Variants in KCNMB4 observed in about 807,000 individuals in gnomAD.
KCNMB4 encodes calcium-activated potassium channel subunit beta-4.
KCNMB4 carries 3 observed loss-of-function variants against 20.7 expected under a neutral mutation model. That is an observed-to-expected ratio of 0.14 (90% confidence interval 0.07 to 0.37). The LOEUF is 0.37. Among genes scored for constraint, KCNMB4 ranks in the 10% least tolerant of loss-of-function variants. The probability of loss-of-function intolerance (pLI) is 1.00; values close to 1 mark genes in which losing one functional copy is unlikely to be tolerated. For missense variants in KCNMB4, 168 were observed against 265.9 expected (o/e 0.63, Z 2.56); for synonymous variants, 110 against 113.4 (o/e 0.97, Z 0.19).
rs1363572413 is a variant in KCNMB4, at chr12:70,366,639, T to TGGC, written c.-86_-84dup. On this transcript the variant is annotated 5_prime_UTR_variant, in exon 1 of 3. Coordinates refer to ENST00000258111, the MANE Select transcript of KCNMB4 (RefSeq NM_014505.6). ...CCCTGCTGTCGCGCGGCGGCGGCGG[T>TGGC]GGCGGCGGCGGCTCCTCCCGCCCGA... The TGGC allele has an allele frequency of 3.3e-6, 3 of 902,298 alleles. No homozygotes were observed. The highest frequency in any genetic ancestry group is 4.2e-6 in the Non-Finnish European group (3 of 712,278). The allele number at this position is 902,298 out of a possible 1,614,324, so 55.9% of individuals were successfully genotyped here.
At chr12:70,427,729 C>T (rs766025834) in intron 2 of KCNMB4, among the ~76,000 whole-genome samples, 3 of 152,096 alleles carry the variant, frequency 2.0e-5, no homozygotes, top group Non-Finnish European at 2.9e-5. Flanking sequence ...TACTCACATT[C>T]TTTTTTGGTA....
intron 1 of KCNMB4, among the ~76,000 whole-genome samples, chr12:70,385,211 A>G (rs1452578671): frequency 6.6e-6 from 1 of 152,210 alleles, no homozygotes; most frequent in Non-Finnish European, 1.5e-5. Flanking sequence ...CTGCCATGTT[A>G]CAGGCCCTAT....
At chr12:70,391,369 C>G (rs1467270916) in intron 1 of KCNMB4, among the ~76,000 whole-genome samples, 1 of 151,950 alleles carries the variant, frequency 6.6e-6, no homozygotes, top group East Asian at 1.9e-4. Flanking sequence ...GTGGCACAAT[C>G]ATAGCTCACT....
At chr12:70,419,223 A>T (rs1004749609) in intron 2 of KCNMB4, among the ~76,000 whole-genome samples, 7 of 152,328 alleles carry the variant, frequency 4.6e-5, no homozygotes, top group African/African-American at 1.7e-4. Flanking sequence ...CCATTTTCTG[A>T]GGATGTTTCT....
intron 1 of KCNMB4, among the ~76,000 whole-genome samples, chr12:70,367,481 C>G (rs1203493806): frequency 6.6e-6 from 1 of 152,154 alleles, no homozygotes; most frequent in African/African-American, 2.4e-5. Context: ...TTCAGCTGGT[C>G]TCATCTAGAA....
chr12:70,393,819 C>A (rs1868324519), intron 1 of KCNMB4, among the ~76,000 whole-genome samples: 1 of 122,526 alleles, frequency 8.2e-6, no homozygotes, highest in South Asian at 2.5e-4. Context: ...CCAACGCCAT[C>A]TCCTATGCCC....
chr12:70,428,522 G>A (rs561460890), intron 2 of KCNMB4, among the ~76,000 whole-genome samples: 1 of 152,186 alleles, frequency 6.6e-6, no homozygotes, highest in African/African-American at 2.4e-5. Flanking sequence ...CTGTACCTGG[G>A]AAAAGAATCA....
chr12:70,382,353 A>C (rs1883802745), intron 1 of KCNMB4, among the ~76,000 whole-genome samples: 1 of 149,734 alleles, frequency 6.7e-6, no homozygotes, highest in South Asian at 2.1e-4. Context: ...GAATGGCGTG[A>C]ACCCGGAAGG....
chr12:70,392,510 T>C (rs910922441), intron 1 of KCNMB4, among the ~76,000 whole-genome samples: 1 of 152,212 alleles, frequency 6.6e-6, no homozygotes, highest in Non-Finnish European at 1.5e-5. Context: ...TTATAAATCA[T>C]TCTATAAAGA....
intron 2 of KCNMB4, among the ~76,000 whole-genome samples, chr12:70,410,975 C>G (rs752598017): frequency 7.2e-5 from 11 of 152,100 alleles, no homozygotes; most frequent in Non-Finnish European, 1.6e-4. Flanking sequence ...GGCCTGAGCT[C>G]AAATTGAGTA....
chr12:70,399,736 C>T (rs710652), intron 1 of KCNMB4, among the ~76,000 whole-genome samples: 1 of 151,840 alleles, frequency 6.6e-6, no homozygotes, highest in African/African-American at 2.4e-5. Flanking sequence ...AGAGAATGTA[C>T]GAAAAGAAAA....
At chr12:70,367,594 C>T (rs527868903) in intron 1 of KCNMB4, among the ~76,000 whole-genome samples, 1 of 152,066 alleles carries the variant, frequency 6.6e-6, no homozygotes, top group Admixed American at 6.5e-5. Flanking sequence ...ACTTGGGGTT[C>T]AAAGATAAGC....
chr12:70,390,180 G>T (rs1288741780), intron 1 of KCNMB4, among the ~76,000 whole-genome samples: 1 of 152,138 alleles, frequency 6.6e-6, no homozygotes, highest in East Asian at 1.9e-4. Context: ...CTTGGGGTCT[G>T]TATATCCCAG....
intron 2 of KCNMB4, among the ~76,000 whole-genome samples, chr12:70,429,384 C>T (rs1444013094): frequency 6.6e-6 from 1 of 151,992 alleles, no homozygotes; most frequent in Non-Finnish European, 1.5e-5. Flanking sequence ...GTTAAAATTC[C>T]GGCCGGGTGC....
chr12:70,400,359 G>T, intron 2 of KCNMB4, 23 bp downstream of exon 2: 1 of 1,593,854 alleles, frequency 6.3e-7, no homozygotes, highest in South Asian at 1.1e-5. Context: ...TTGCATGTGC[G>T]TGTTAAAATT....
chr12:70,383,358 G>T (rs1883828421), intron 1 of KCNMB4, among the ~76,000 whole-genome samples: 1 of 152,138 alleles, frequency 6.6e-6, no homozygotes, highest in Non-Finnish European at 1.5e-5. Context: ...CTATCAAGTT[G>T]GTACATATTA....
intron 2 of KCNMB4, among the ~76,000 whole-genome samples, chr12:70,425,055 A>C (rs774925454): frequency 1.3e-5 from 2 of 152,232 alleles, no homozygotes; most frequent in Non-Finnish European, 2.9e-5. Context: ...GTCATGAATC[A>C]ATAGATCAAG....
intron 2 of KCNMB4, among the ~76,000 whole-genome samples, chr12:70,413,852 C>G (rs1195668765): frequency 6.6e-6 from 1 of 152,088 alleles, no homozygotes; most frequent in Non-Finnish European, 1.5e-5. Context: ...TTCATAGAGA[C>G]AGAAAGTATA....
intron 1 of KCNMB4, among the ~76,000 whole-genome samples, chr12:70,390,169 C>T (rs993857614): frequency 3.3e-5 from 5 of 152,154 alleles, no homozygotes; most frequent in African/African-American, 9.7e-5. Context: ...GCAGAGTATT[C>T]CTTGGGGTCT....
Sources: allele counts gnomAD v4.1 joint callset (sites outside exome capture counted in the v4.1 genomes callset), GRCh38; gene constraint gnomAD v4.1.1; transcripts MANE v1.5; gene names NCBI Gene and HGNC (gene_info 2026-07-23, HGNC 2026-07-21).